LRRK2: variants seen among roughly 807,000 people sequenced by gnomAD.
LRRK2 encodes the protein leucine-rich repeat serine/threonine-protein kinase 2.
A neutral mutation model predicts 302.6 loss-of-function variants in LRRK2; 203 were observed. The observed-to-expected ratio is 0.67, with a 90% confidence interval of 0.60 to 0.75. The LOEUF is 0.75. Ranked by LOEUF, LRRK2 falls within the 30% of genes least tolerant of loss-of-function variation. The pLI is 0.00. For missense variants in LRRK2, 2,830 were observed against 2,951.0 expected (o/e 0.96, Z 0.95); for synonymous variants, 1,066 against 1,031.9 (o/e 1.03, Z -0.63).
chr12:40,268,192 G>C (rs546179661), intron 14 of LRRK2, among the ~76,000 whole-genome samples: 22 of 152,100 alleles, frequency 1.4e-4, no homozygotes, highest in Non-Finnish European at 2.4e-4. Flanking sequence ...GAGCAAAATG[G>C]AAAATAAACT....
At chr12:40,228,006 T>G (rs940670966) in intron 2 of LRRK2, 5 of 152,182 alleles carry the variant, frequency 3.3e-5, no homozygotes, top group Non-Finnish European at 7.3e-5. Flanking sequence ...ATAAGGTGAT[T>G]CTGTATTTTA....
At chr12:40,227,503 T>A (rs1940956573) in intron 2 of LRRK2, among the ~76,000 whole-genome samples, 1 of 152,150 alleles carries the variant, frequency 6.6e-6, no homozygotes, top group Non-Finnish European at 1.5e-5. Context: ...TCTACTCTCT[T>A]CCTCCATGAG....
chr12:40,362,513 C>T (rs564546617), intron 47 of LRRK2, among the ~76,000 whole-genome samples: 8 of 151,878 alleles, frequency 5.3e-5, no homozygotes, highest in Non-Finnish European at 1.0e-4. Context: ...ATACATTGTC[C>T]TCATCCTTAT....
chr12:40,239,144 A>G (rs187818787), intron 5 of LRRK2, among the ~76,000 whole-genome samples: 1 of 152,278 alleles, frequency 6.6e-6, no homozygotes, highest in African/African-American at 2.4e-5. Flanking sequence ...TCTGAGAAAC[A>G]TCTTCCCATG....
At chr12:40,281,089 C>A (rs115072640) in intron 18 of LRRK2, among the ~76,000 whole-genome samples, 1,750 of 149,232 alleles carry the variant, frequency 0.012, 42 homozygotes, top group African/African-American at 0.041. Context: ...AAACAAAAAA[C>A]GAACCAACCA....
intron 40 of LRRK2, among the ~76,000 whole-genome samples, chr12:40,338,328 A>G (rs867131571): frequency 3.9e-5 from 6 of 152,194 alleles, no homozygotes; most frequent in African/African-American, 7.2e-5. Flanking sequence ...TACCTAGTAC[A>G]TATTTGTCAA....
At chr12:40,308,379 G>C (rs1592266036) in intron 28 of LRRK2, 88 bp from the exon 29 acceptor site, 4 of 973,974 alleles carry the variant, frequency 4.1e-6, no homozygotes, top group Middle Eastern at 3.1e-4. Flanking sequence ...CTATATTTTA[G>C]AATAGTGTGA....
intron 14 of LRRK2, among the ~76,000 whole-genome samples, chr12:40,271,596 C>T (rs1034854147): frequency 6.6e-6 from 1 of 152,050 alleles, no homozygotes; most frequent in Non-Finnish European, 1.5e-5. Flanking sequence ...TATTTGAGCA[C>T]CAATGCAATA....
At chr12:40,238,224 G>A in intron 5 of LRRK2, 121 bp downstream of exon 5, 1 of 1,022,126 alleles carries the variant, frequency 9.8e-7, no homozygotes, top group Non-Finnish European at 1.4e-6. Context: ...ATTAAGAAGT[G>A]GGAGTTGTCT....
intron 46 of LRRK2, among the ~76,000 whole-genome samples, chr12:40,356,455 C>T (rs1014290015): frequency 6.6e-6 from 1 of 151,848 alleles, no homozygotes; most frequent in Non-Finnish European, 1.5e-5. Flanking sequence ...TCAATTTGTA[C>T]ATAACTGAGG....
chr12:40,279,864 T>C (rs1418935193), intron 18 of LRRK2, among the ~76,000 whole-genome samples: 4 of 152,226 alleles, frequency 2.6e-5, no homozygotes, highest in Non-Finnish European at 4.4e-5. Flanking sequence ...TAGCAAACAA[T>C]AACTGCTGAT....
rs755914407 is a variant in LRRK2, at chr12:40,359,374, G to A, written c.6958G>A (p.Gly2320Ser). 1 of 1,613,182 alleles carries A rather than the reference G, an allele frequency of 6.2e-7. No individual in the cohort carries two copies. Among genetic ancestry groups the A allele is most frequent in the Non-Finnish European group, 8.5e-7 (1 of 1,179,562 alleles). ...AAGAAATGTAATGTGGGGAGGATGT[G>A]GCACAAAGATTTTCTCCTTTTCTAA... ...TERNVMWGGC[G>S]TKIFSFSNDF... Residue 2320 changes from glycine (G) to serine (S), a missense_variant, in exon 47 of 51, where the codon GGC becomes AGC. Around this residue, in one of 3 missense-constraint regions of LRRK2, gnomAD observed 456 missense variants for 456.3 expected, o/e 1.00. Coordinates refer to ENST00000298910, the MANE Select transcript of LRRK2 (RefSeq NM_198578.4).
chr12:40,359,346 G>A lies in LRRK2; in HGVS notation c.6930G>A (p.Thr2310=), dbSNP rs763164514. Residue 2310 remains threonine, a synonymous_variant, in exon 47 of 51, where the codon ACG becomes ACA. Coordinates refer to ENST00000298910, the MANE Select transcript of LRRK2 (RefSeq NM_198578.4). The stretch of plus-strand genomic sequence containing the variant: ...GTTTGAGTGAATCCACAAATTCAAC[G>A]GAAAGAAATGTAATGTGGGGAGGAT... The part of the protein sequence containing the change: ...LMCLSESTNS[T]ERNVMWGGCG... 55 of 1,612,954 alleles carry A rather than the reference G, an allele frequency of 3.4e-5. No individual in the cohort carries two copies. The highest frequency in any genetic ancestry group is 2.9e-4 in the East Asian group (13 of 44,750).
intron 19 of LRRK2, 127 bp downstream of exon 19, chr12:40,284,260 G>C (rs915570117): frequency 2.8e-6 from 2 of 726,866 alleles, no homozygotes; most frequent in Non-Finnish European, 4.0e-6. Context: ...CAAAGGTTTG[G>C]ATTTTTTTTT....
chr12:40,233,669 G>A (rs902469077), intron 3 of LRRK2, among the ~76,000 whole-genome samples: 16 of 152,190 alleles, frequency 1.1e-4, no homozygotes, highest in Non-Finnish European at 1.8e-4. Context: ...AACTTTAAAT[G>A]TCCCTTGGTT....
intron 25 of LRRK2, 134 bp from the exon 26 acceptor site, chr12:40,302,655 G>T: frequency 1.4e-6 from 1 of 697,708 alleles, no homozygotes; most frequent in Non-Finnish European, 2.6e-6. Context: ...TTTAAAAGTG[G>T]ATTTTTAAAA....
In LRRK2 at chr12:40,238,036, C is replaced by A; in HGVS notation, c.504C>A (p.His168Gln). The part of the protein sequence containing the change: ...DIFMLIFDAM[H>Q]SFPANDEVQK... ...TCATGTTAATTTTTGATGCCATGCA[C>A]TCATTTCCAGCCAATGATGAAGTCC... Residue 168 changes from histidine (H) to glutamine (Q), a missense_variant, in exon 5 of 51, where the codon CAC becomes CAA. Physicochemically the swap from His to Gln is conservative, Grantham distance 24. This residue lies in a region of LRRK2 where 2,121 missense variants were observed against 2,148.0 expected (regional missense o/e 0.99). Transcript: ENST00000298910. 1 of 1,613,542 alleles carries A rather than the reference C, an allele frequency of 6.2e-7. No homozygotes were observed. Among genetic ancestry groups the A allele is most frequent in the Non-Finnish European group, 8.5e-7 (1 of 1,179,640 alleles).
chr12:40,265,956 A>T (rs559743269), intron 14 of LRRK2, among the ~76,000 whole-genome samples: 11 of 152,228 alleles, frequency 7.2e-5, no homozygotes, highest in Non-Finnish European at 1.3e-4. Context: ...CATATGTAGA[A>T]AGCTGAAACT....
chr12:40,314,077 A>G lies in LRRK2; in HGVS notation c.4642A>G (p.Ile1548Val). The change falls in exon 32 of 51, where the codon ATT (isoleucine) becomes GTT (valine). Residue 1548 changes from isoleucine to valine, a missense_variant. By Grantham distance (29) the Ile-to-Val change is conservative. This residue lies in a region of LRRK2 where 2,121 missense variants were observed against 2,148.0 expected (regional missense o/e 0.99). Coordinates refer to ENST00000298910, the MANE Select transcript of LRRK2 (RefSeq NM_198578.4). ...AAATGTGCCAATTGAATTTCCCGTA[A>G]TTGACCGGAAACGATTATTACAACT... The part of the protein sequence containing the change: ...RKNVPIEFPV[I>V]DRKRLLQLVR... 1 of 1,612,792 alleles carries G rather than the reference A, an allele frequency of 6.2e-7. No individual in the cohort carries two copies. Among genetic ancestry groups the G allele is most frequent in the African/African-American group, 1.3e-5 (1 of 74,970 alleles).
Sources: allele counts gnomAD v4.1 joint callset (sites outside exome capture counted in the v4.1 genomes callset), GRCh38; gene constraint gnomAD v4.1.1; regional missense constraint gnomAD v4.1.1; transcripts MANE v1.5; gene names NCBI Gene and HGNC (gene_info 2026-07-23, HGNC 2026-07-21).